KCNJ5: variants seen among roughly 807,000 people sequenced by gnomAD.
KCNJ5 encodes the protein potassium inwardly rectifying channel subfamily J member 5.
Under a neutral mutation model 20.2 loss-of-function variants are expected in KCNJ5, and 12 were observed. That is an observed-to-expected ratio of 0.59 (90% CI 0.38 to 0.96). The LOEUF is 0.96. Among genes scored for constraint, KCNJ5 ranks in the 40% least tolerant of loss-of-function variants. The pLI is 0.00. For synonymous variants in KCNJ5, 210 were observed against 213.9 expected, an observed-to-expected ratio of 0.98 and a Z score of 0.16; for missense variants, 449 against 557.6, an observed-to-expected ratio of 0.81 and a Z score of 1.96.
chr11:128,917,351 CTG>C lies in KCNJ5; in HGVS notation c.*626_*627del, dbSNP rs1235060770. 1.3e-5 allele frequency: 2 copies of C among 153,216 alleles called. No homozygotes were observed. Among genetic ancestry groups the C allele is most frequent in the African/African-American group, 4.8e-5 (2 of 41,462 alleles). 9.5% of individuals were successfully genotyped at this position (153,216 alleles called of 1,614,324 possible). ...GTGTGTGTTTTTCCTCTGCTGTGTT[CTG>C]TGTGTCCAGTGTAGCCTATTGGAGA... On this transcript the variant is annotated 3_prime_UTR_variant, in exon 3 of 3. Coordinates refer to ENST00000529694, the MANE Select transcript of KCNJ5 (RefSeq NM_000890.5).
At chr11:128,906,726 C>A (rs1351718859) in intron 1 of KCNJ5, among the ~76,000 whole-genome samples, 1 of 152,224 alleles carries the variant, frequency 6.6e-6, no homozygotes, top group Non-Finnish European at 1.5e-5. Flanking sequence ...TAATTTGAAT[C>A]TCTTACTTCG....
intron 1 of KCNJ5, among the ~76,000 whole-genome samples, chr11:128,895,064 C>T (rs1944151796): frequency 6.6e-6 from 1 of 151,028 alleles, no homozygotes; most frequent in Non-Finnish European, 1.5e-5. Context: ...AATAGGGTGG[C>T]CAGATAGTAT....
rs886048000 is a variant in KCNJ5 at position 128,891,439 on chromosome 11, C to CAGAAAGAGAG, written c.-292_-291insGAAAGAGAGA. 20 of 68,772 alleles carry CAGAAAGAGAG rather than the reference C, an allele frequency of 2.9e-4. No homozygotes were observed. Among genetic ancestry groups the CAGAAAGAGAG allele is most frequent in the African/African-American group, 1.3e-3 (20 of 15,178 alleles). 4.3% of individuals were successfully genotyped at this position (68,772 alleles called of 1,614,324 possible). ...ACACACACACACACACACACACACACACAGAGAGAGAGAGAGAGAGAGAGA... is the reference window on the plus strand; with the variant it reads ...ACACACACACACACACACACACACACAGAAAGAGAGACAGAGAGAGAGAGAGAGAGAGAGA... On this transcript the variant is annotated 5_prime_UTR_variant, in exon 1 of 3. Coordinates refer to ENST00000529694, the MANE Select transcript of KCNJ5 (RefSeq NM_000890.5).
intron 1 of KCNJ5, chr11:128,905,753 G>C (rs1944399268): frequency 6.6e-6 from 1 of 152,352 alleles, no homozygotes; most frequent in Admixed American, 6.6e-5. Flanking sequence ...CTGGGGGGGC[G>C]GGGCGGGGGG....
chr11:128,914,097 C>T (rs1358941911), intron 2 of KCNJ5, among the ~76,000 whole-genome samples: 2 of 152,198 alleles, frequency 1.3e-5, no homozygotes, highest in African/African-American at 2.4e-5. Flanking sequence ...GGAAGGTTTC[C>T]CCCACAGAGC....
At chr11:128,915,027 G>A (rs1248078652) in intron 2 of KCNJ5, among the ~76,000 whole-genome samples, 3 of 152,232 alleles carry the variant, frequency 2.0e-5, no homozygotes, top group Non-Finnish European at 4.4e-5. Context: ...CACCTGTGTG[G>A]GTGCGCTGGG....
In KCNJ5 at chr11:128,920,581, A is replaced by G. The variant is rs2258371; in HGVS notation, c.*3850A>G. ...CTGAACACACCTCTGCCCATGCGCC[A>G]TGGAGCATGTGTTAGGTGCCTGCCG... On this transcript the variant is annotated 3_prime_UTR_variant, in exon 3 of 3. Coordinates refer to ENST00000529694, the MANE Select transcript of KCNJ5 (RefSeq NM_000890.5). 0.82 allele frequency: 124,970 copies of G among 151,780 alleles called. 51,540 individuals carry two copies. The highest frequency in any genetic ancestry group is 0.9 in the East Asian group (4,622 of 5,142). 9.4% of individuals were successfully genotyped at this position (151,780 alleles called of 1,614,324 possible). A position where few individuals can be genotyped will look rare whatever the true frequency, so the allele number is the denominator to read the frequency against.
intron 1 of KCNJ5, chr11:128,902,798 GC>G (rs1440937145): frequency 9.7e-6 from 14 of 1,437,980 alleles, no homozygotes; most frequent in Non-Finnish European, 1.3e-5. Context: ...AACTCACAAC[GC>G]AGCCCAACAT....
In KCNJ5 at chr11:128,919,433, T is replaced by G. The variant is rs1385862911; in HGVS notation, c.*2702T>G. On this transcript the variant is annotated 3_prime_UTR_variant, in exon 3 of 3. Transcript: ENST00000529694. Reference sequence around the variant, plus strand: ...CTGCCTGGCCCGAGCCCGGGCATGCTGGGATTAGTGCAACACCGCCCCAGT... The same window carrying G: ...CTGCCTGGCCCGAGCCCGGGCATGCGGGGATTAGTGCAACACCGCCCCAGT... The G allele has an allele frequency of 6.6e-6, 1 of 152,316 alleles. No individual in the cohort carries two copies. The highest frequency in any genetic ancestry group is 1.9e-4 in the East Asian group (1 of 5,188). 9.4% of individuals were successfully genotyped at this position (152,316 alleles called of 1,614,324 possible). A position where few individuals can be genotyped will look rare whatever the true frequency, so the allele number is the denominator to read the frequency against.
chr11:128,908,464 C>A (rs145156923), intron 1 of KCNJ5, among the ~76,000 whole-genome samples: 2 of 152,132 alleles, frequency 1.3e-5, no homozygotes, highest in Non-Finnish European at 2.9e-5. Context: ...ATGACTTCTG[C>A]GGATGATTCC....
At chr11:128,902,701 G>A in intron 1 of KCNJ5, 1 of 1,608,926 alleles carries the variant, frequency 6.2e-7, no homozygotes, top group Non-Finnish European at 8.5e-7. Flanking sequence ...GACAGGTAAT[G>A]TTTGTGGCAG....
Position 128,916,633 on chromosome 11 carries a change from G to T in KCNJ5, c.1162G>T (p.Gly388Cys), listed in dbSNP as rs764499695. 2.5e-6 allele frequency: 4 copies of T among 1,613,776 alleles called. No individual in the cohort carries two copies. The highest frequency in any genetic ancestry group is 3.4e-6 in the Non-Finnish European group (4 of 1,179,860). The change falls in exon 3 of 3, where the codon GGC becomes TGC. Residue 388 changes from glycine to cysteine, a missense_variant. Gly to Cys is a radical substitution (Grantham distance 159). Around this residue, in one of 5 missense-constraint regions of KCNJ5, gnomAD observed 64 missense variants for 51.3 expected, o/e 1.25. Transcript: ENST00000529694. ...QYLPSPPLLG[G>C]CAEAGLDAEA... ...CCTCCCCAGCCCCCCACTGCTGGGG[G>T]GCTGTGCTGAGGCAGGGCTGGATGC...
chr11:128,915,306 C>T (rs1045064572), intron 2 of KCNJ5, among the ~76,000 whole-genome samples: 10 of 152,138 alleles, frequency 6.6e-5, no homozygotes, highest in African/African-American at 1.9e-4. Context: ...GACAGGGAAA[C>T]GAGGCATTGG....
At chr11:128,894,122 G>A (rs929114126) in intron 1 of KCNJ5, among the ~76,000 whole-genome samples, 15 of 151,678 alleles carry the variant, frequency 9.9e-5, no homozygotes, top group South Asian at 4.2e-4. Context: ...TGCGGTGGGC[G>A]AAGCCACAAA....
At chr11:128,909,907 C>G (rs4937390) in intron 1 of KCNJ5, 1 of 152,110 alleles carries the variant, frequency 6.6e-6, no homozygotes, top group Non-Finnish European at 1.5e-5. Flanking sequence ...TTAGCATGAG[C>G]CCCGGAGCAT....
intron 2 of KCNJ5, among the ~76,000 whole-genome samples, chr11:128,914,567 C>A (rs562342388): frequency 6.6e-6 from 1 of 152,310 alleles, no homozygotes; most frequent in South Asian, 2.1e-4. Flanking sequence ...GGCTGGGAAT[C>A]CATGCCTCAG....
Position 128,891,555 on chromosome 11 carries a change from C to T in KCNJ5, c.-177C>T, listed in dbSNP as rs1944091690. On this transcript the variant is annotated 5_prime_UTR_variant, in exon 1 of 3. Transcript: ENST00000529694. The stretch of plus-strand genomic sequence containing the variant: ...AAGGGACAGGATGGCTTAGGTACCT[C>T]TGCCCACAGGACCCCACAACAGGGA... 1 of 152,292 alleles carries T rather than the reference C, an allele frequency of 6.6e-6. No individual in the cohort carries two copies. The highest frequency in any genetic ancestry group is 2.1e-4 in the South Asian group (1 of 4,834). 9.4% of individuals were successfully genotyped at this position (152,292 alleles called of 1,614,324 possible).
intron 1 of KCNJ5, among the ~76,000 whole-genome samples, chr11:128,895,425 G>A (rs1312252165): frequency 1.4e-5 from 2 of 138,090 alleles, no homozygotes; most frequent in East Asian, 4.1e-4. Flanking sequence ...CTGAGCACTT[G>A]GTGCCTGGAA....
intron 1 of KCNJ5, chr11:128,904,589 C>G (rs1283737190): frequency 1.1e-6 from 1 of 892,702 alleles, no homozygotes; most frequent in Non-Finnish European, 1.9e-6. Context: ...TTAGCAAAAC[C>G]GCGGACTCTG....
Sources: gnomAD v4.1 joint callset for allele counts (sites outside exome capture counted in the v4.1 genomes callset) on GRCh38, gnomAD v4.1.1 for gene constraint, gnomAD v4.1.1 regional missense constraint, MANE v1.5 for transcripts, NCBI Gene and HGNC (gene_info 2026-07-23, HGNC 2026-07-21) for gene names.